TMEM268: variants seen among roughly 807,000 people sequenced by gnomAD.
The protein encoded by TMEM268 is transmembrane protein C9orf91.
In TMEM268, 24 loss-of-function variants were observed where a neutral mutation model predicts 39.1. The ratio of observed to expected loss-of-function variants is 0.61; its 90% CI spans 0.44 to 0.86. The LOEUF (loss-of-function observed/expected upper bound fraction) is 0.86. Among genes scored for constraint, TMEM268 ranks in the 40% least tolerant of loss-of-function variants. The pLI, the probability that TMEM268 is intolerant of heterozygous loss-of-function variation, is 0.00. For synonymous variants in TMEM268, 176 were observed against 173.5 expected (o/e 1.01, Z -0.12); for missense variants, 409 against 428.6 (o/e 0.95, Z 0.40).
In TMEM268 at chr9:114,627,022, C is replaced by A; in HGVS notation, c.324+16C>A. 1.9e-6 allele frequency: 3 copies of A among 1,547,848 alleles called. No homozygotes were observed. The highest frequency in any genetic ancestry group is 2.7e-6 in the Non-Finnish European group (3 of 1,120,862). On this transcript the variant is annotated intron_variant, in intron 4 of 8. Coordinates refer to ENST00000288502, the MANE Select transcript of TMEM268 (RefSeq NM_153045.4). ...CTTTGCTGTGGTAAGGGGGAGGTGG[C>A]CCGCACACTGACCCTGCCCTGACAG...
intron 6 of TMEM268, 24 bp downstream of exon 6, chr9:114,633,902 T>G: frequency 7.2e-7 from 1 of 1,381,582 alleles, no homozygotes; most frequent in Middle Eastern, 1.8e-4. Context: ...TAGTTACCTC[T>G]TCCTGATGGC....
Position 114,617,175 on chromosome 9 carries a change from A to T in TMEM268, c.-21A>T. On this transcript the variant is annotated 5_prime_UTR_variant, in exon 2 of 9. An upstream open reading frame in the 5' UTR loses its in-frame stop. Coordinates refer to ENST00000288502, the MANE Select transcript of TMEM268 (RefSeq NM_153045.4). ...AACCACAGCTCTGAGAAGGGGAAGT[A>T]GAAACAGCTGGCGCCCTGCCATGGC... 1 of 1,527,410 alleles carries T rather than the reference A, an allele frequency of 6.5e-7. No homozygotes were observed. Among genetic ancestry groups the T allele is most frequent in the South Asian group, 1.1e-5 (1 of 87,248 alleles). 94.6% of individuals were successfully genotyped at this position (1,527,410 alleles called of 1,614,324 possible).
intron 1 of TMEM268, among the ~76,000 whole-genome samples, chr9:114,612,032 C>G (rs538676568): frequency 5.9e-5 from 9 of 152,348 alleles, no homozygotes; most frequent in Admixed American, 1.3e-4. Flanking sequence ...TCTTAACGTC[C>G]TCACCTGTAA....
chr9:114,606,059 ATTATC>A, the TMEM268 span, among the ~76,000 whole-genome samples: 1 of 151,880 alleles, frequency 6.6e-6, no homozygotes, highest in East Asian at 1.9e-4. Context: ...GTTGTCTACA[ATTATC>A]TTAGGTGGTT....
At position 114,624,374 on chromosome 9, in the gene TMEM268, C is replaced by A; in HGVS notation, c.131C>A (p.Thr44Asn). 1 of 1,603,604 alleles carries A rather than the reference C, an allele frequency of 6.2e-7. No homozygotes were observed. The highest frequency in any genetic ancestry group is 8.5e-7 in the Non-Finnish European group (1 of 1,174,484). ...GAGCTCCACAATGGCCAGGTCCTCA[C>A]TGTTCTCCGGATTGACAATACCTGT... is the stretch of plus-strand genomic sequence containing the variant. ...GQELHNGQVL[T>N]VLRIDNTCAP... The change falls in exon 3 of 9, where the codon ACT (threonine) becomes AAT (asparagine). Residue 44 changes from threonine (T) to asparagine (N), a missense_variant. By Grantham distance (65) the Thr-to-Asn change is moderately conservative (BLOSUM62 0). Transcript: ENST00000288502.
At chr9:114,629,142 G>A (rs146817526) in intron 5 of TMEM268, among the ~76,000 whole-genome samples, 5 of 152,352 alleles carry the variant, frequency 3.3e-5, no homozygotes, top group African/African-American at 1.2e-4. Flanking sequence ...TAGCCACAAC[G>A]CTAGAGAAAA....
rs1827477227 is a variant in TMEM268 at position 114,644,183 on chromosome 9, A to T, written c.*870A>T. ...GCTTCCAAGTGATCTGCTCCTGAAC[A>T]AGTTTGAAGACCTATTGTTTCATAG... is the stretch of plus-strand genomic sequence containing the variant. On this transcript the variant is annotated 3_prime_UTR_variant, in exon 9 of 9. Coordinates refer to ENST00000288502, the MANE Select transcript of TMEM268 (RefSeq NM_153045.4). 3 of 152,336 alleles carry T rather than the reference A, an allele frequency of 2.0e-5. No individual in the cohort carries two copies. Among genetic ancestry groups the T allele is most frequent in the Admixed American group, 2.0e-4 (3 of 15,276 alleles). The allele number at this position is 152,336 out of a possible 1,614,324, so 9.4% of individuals were successfully genotyped here.
chr9:114,604,732 G>A, the TMEM268 span, among the ~76,000 whole-genome samples: 1 of 151,648 alleles, frequency 6.6e-6, no homozygotes, highest in African/African-American at 2.4e-5. Context: ...AAAAAAAAAA[G>A]TAACTTGTCA....
In TMEM268 at chr9:114,643,383, C is replaced by A; in HGVS notation, c.*70C>A. The A allele has an allele frequency of 7.0e-7, 1 of 1,422,092 alleles. No individual in the cohort carries two copies. Among genetic ancestry groups the A allele is most frequent in the South Asian group, 1.2e-5 (1 of 82,536 alleles). The allele number at this position is 1,422,092 out of a possible 1,614,324, so 88.1% of individuals were successfully genotyped here. On this transcript the variant is annotated 3_prime_UTR_variant, in exon 9 of 9. Coordinates refer to ENST00000288502, the MANE Select transcript of TMEM268 (RefSeq NM_153045.4). ...GGAAGGCTTCAGGAGCCCAAGATGGCCAATGGGGAGCCCCAGGTGAGGAGA... is the reference window on the plus strand; with the variant it reads ...GGAAGGCTTCAGGAGCCCAAGATGGACAATGGGGAGCCCCAGGTGAGGAGA...
chr9:114,616,334 C>T (rs1034126999), intron 1 of TMEM268, among the ~76,000 whole-genome samples: 3 of 147,672 alleles, frequency 2.0e-5, no homozygotes, highest in African/African-American at 7.5e-5. Context: ...TTTATATTTC[C>T]TACCATCTGA....
intron 3 of TMEM268, among the ~76,000 whole-genome samples, chr9:114,625,773 C>T (rs1029816805): frequency 2.6e-5 from 4 of 151,120 alleles, no homozygotes; most frequent in East Asian, 2.0e-4. Flanking sequence ...GAACAGTTTA[C>T]GTATTGTTCT....
chr9:114,637,185 C>T (rs888589390), intron 7 of TMEM268, 115 bp downstream of exon 7: 40 of 631,248 alleles, frequency 6.3e-5, no homozygotes, highest in African/African-American at 5.4e-4. Flanking sequence ...AGAATACCTA[C>T]GAGCAATCAG....
At position 114,643,232 on chromosome 9, in the gene TMEM268, C is replaced by G; in HGVS notation, c.948C>G (p.Asn316Lys). 1 of 1,614,206 alleles carries G rather than the reference C, an allele frequency of 6.2e-7. No individual in the cohort carries two copies. Among genetic ancestry groups the G allele is most frequent in the Non-Finnish European group, 8.5e-7 (1 of 1,180,012 alleles). ...AGGCAATGGGGACACGACACACGAA[C>G]TCTCCGAGAATTCCATGCCCCTGCC... ...LPQAMGTRHT[N>K]SPRIPCPCQL... Residue 316 changes from asparagine (N) to lysine (K), a missense_variant, in exon 9 of 9, where the codon AAC becomes AAG. Coordinates refer to ENST00000288502, the MANE Select transcript of TMEM268 (RefSeq NM_153045.4).
At chr9:114,611,651 G>C (rs934538049) in intron 1 of TMEM268, 87 bp downstream of exon 1, 1 of 153,010 alleles carries the variant, frequency 6.5e-6, no homozygotes, top group Non-Finnish European at 1.5e-5. Context: ...AGCAGCCTGG[G>C]CGCCTCCGCC....
chr9:114,643,556 C>T lies in TMEM268; in HGVS notation c.*243C>T, dbSNP rs995802509. On this transcript the variant is annotated 3_prime_UTR_variant, in exon 9 of 9. Transcript: ENST00000288502. Reference sequence around the variant, plus strand: ...GAAGCTGATGGTTACAGAGCTAGTCCCACCAAAGCTACTCTCTCTGCTGCT... The same window carrying T: ...GAAGCTGATGGTTACAGAGCTAGTCTCACCAAAGCTACTCTCTCTGCTGCT... 4.0e-6 allele frequency: 2 copies of T among 501,604 alleles called. No individual in the cohort carries two copies. The highest frequency in any genetic ancestry group is 2.7e-5 in the South Asian group (1 of 37,394). The allele number at this position is 501,604 out of a possible 1,614,324, so 31.1% of individuals were successfully genotyped here. A position where few individuals can be genotyped will look rare whatever the true frequency, so the allele number is the denominator to read the frequency against.
intron 3 of TMEM268, among the ~76,000 whole-genome samples, chr9:114,626,661 G>T (rs1846173125): frequency 6.6e-6 from 1 of 152,234 alleles, no homozygotes; most frequent in Non-Finnish European, 1.5e-5. Flanking sequence ...AGGCTGCCCT[G>T]TGTCTGCTGC....
At chr9:114,629,877 A>G (rs1466671955) in intron 5 of TMEM268, among the ~76,000 whole-genome samples, 3 of 152,248 alleles carry the variant, frequency 2.0e-5, no homozygotes, top group African/African-American at 7.2e-5. Flanking sequence ...GGGCTTTGCC[A>G]CAAGACTGAC....
At chr9:114,607,296 C>G (rs1313761161), upstream of TMEM268, among the ~76,000 whole-genome samples, 2 of 152,272 alleles carry the variant, frequency 1.3e-5, no homozygotes, top group East Asian at 3.9e-4. Context: ...GGCTTACTCT[C>G]TTTTTGGGAA....
At chr9:114,619,561 C>G (rs1244378143) in intron 2 of TMEM268, among the ~76,000 whole-genome samples, 1 of 152,178 alleles carries the variant, frequency 6.6e-6, no homozygotes, top group African/African-American at 2.4e-5. Flanking sequence ...AGTCTCCATG[C>G]GTGGAGTCCA....
Sources: gnomAD v4.1 joint callset for allele counts (sites outside exome capture counted in the v4.1 genomes callset) on GRCh38, gnomAD v4.1.1 for gene constraint, MANE v1.5 for transcripts, NCBI Gene and HGNC (gene_info 2026-07-23, HGNC 2026-07-21) for gene names.